CEP44: variants seen among roughly 807,000 people sequenced by gnomAD.
The protein encoded by CEP44 is centrosomal protein 44.
Under a neutral mutation model 46.7 loss-of-function variants are expected in CEP44, and 45 were observed. That is an observed-to-expected ratio of 0.96 (90% CI 0.76 to 1.24). The LOEUF (loss-of-function observed/expected upper bound fraction) is 1.24. Ranked by LOEUF, CEP44 falls within the 50% of genes most tolerant of loss-of-function variation. CEP44 has a pLI of 0.00. For synonymous variants in CEP44, 142 were observed against 146.0 expected, an observed-to-expected ratio of 0.97 and a Z score of 0.20; for missense variants, 475 against 459.7, an observed-to-expected ratio of 1.03 and a Z score of -0.30.
chr4:174,325,515 C>T lies in CEP44; in HGVS notation c.1087-5967C>T, dbSNP rs1325138268. On this transcript the variant is annotated intron_variant, in intron 8 of 8. Coordinates refer to the CEP44 transcript ENST00000426172. The surrounding 1 kb of genome is among the most constrained non-coding windows in gnomAD (Gnocchi z 4.4). ...CAAAAATTTTTTTAAATTAGCCAAG[C>T]ATAGTGGTATGCACCTGTAGTCCTA... is the stretch of plus-strand genomic sequence containing the variant. 6.6e-6 allele frequency among the ~76,000 whole-genome samples: 1 copy of T among 151,800 alleles called. No homozygotes were observed. Among genetic ancestry groups the T allele is most frequent in the Non-Finnish European group, 1.5e-5 (1 of 67,972 alleles).
intron 1 of CEP44, among the ~76,000 whole-genome samples, chr4:174,291,397 C>G (rs926015813): frequency 7.2e-5 from 11 of 152,084 alleles, no homozygotes; most frequent in Non-Finnish European, 1.6e-4. Flanking sequence ...TATTCAGAAT[C>G]TCTACACTTC....
Position 174,320,228 on chromosome 4 carries a change from T to C in CEP44, c.*2845T>C, listed in dbSNP as rs1030484245. 27 of 985,066 alleles carry C rather than the reference T, an allele frequency of 2.7e-5. No homozygotes were observed. The highest frequency in any genetic ancestry group is 3.1e-5 in the Non-Finnish European group (26 of 829,778). The allele number at this position is 985,066 out of a possible 1,614,324, so 61.0% of individuals were successfully genotyped here. A position where few individuals can be genotyped will look rare whatever the true frequency, so the allele number is the denominator to read the frequency against. On this transcript the variant is annotated 3_prime_UTR_variant, in exon 12 of 12. Coordinates refer to ENST00000503780, the MANE Select transcript of CEP44 (RefSeq NM_001040157.3). ...AAATTCTAGGTAAAGCTAAGTACTATTGAGTTGGAAAAAAGTAATTCTATC... is the reference window on the plus strand; with the variant it reads ...AAATTCTAGGTAAAGCTAAGTACTACTGAGTTGGAAAAAAGTAATTCTATC...
At chr4:174,300,775 T>G (rs1337752639) in intron 3 of CEP44, among the ~76,000 whole-genome samples, 1 of 152,048 alleles carries the variant, frequency 6.6e-6, no homozygotes, top group African/African-American at 2.4e-5. Context: ...TTTCTGGCCA[T>G]TTGCTGTTTT....
Position 174,325,809 on chromosome 4 carries a change from G to A in CEP44, c.1087-5673G>A, listed in dbSNP as rs1426319412. Among the ~76,000 whole-genome samples the A allele has an allele frequency of 2.6e-5, 4 of 152,208 alleles. No homozygotes were observed. In the East Asian group the frequency reaches 5.8e-4, roughly 22 times the overall value. On this transcript the variant is annotated intron_variant, in intron 8 of 8. Coordinates refer to the CEP44 transcript ENST00000426172. The surrounding 1 kb of genome is among the most constrained non-coding windows in gnomAD (Gnocchi z 4.4). ...GACTGCTATTTCTTCATGATAAAGA[G>A]ACTTATTTCTTATTATGAGTTGGCC...
chr4:174,299,326 C>A, intron 3 of CEP44, 116 bp downstream of exon 3: 8 of 688,968 alleles, frequency 1.2e-5, no homozygotes, highest in South Asian at 4.9e-5. Context: ...TTTAAATCTG[C>A]CTTGAAATGA....
intron 8 of CEP44, among the ~76,000 whole-genome samples, chr4:174,327,755 G>A (rs74747734): frequency 0.018 from 2,686 of 152,134 alleles, 73 homozygotes; most frequent in African/African-American, 0.061. Flanking sequence ...CGGGGTGTGT[G>A]TGTGGTGAAT....
At chr4:174,305,417 G>A (rs1374349022) in intron 6 of CEP44, among the ~76,000 whole-genome samples, 1 of 152,178 alleles carries the variant, frequency 6.6e-6, no homozygotes, top group Non-Finnish European at 1.5e-5. Context: ...TTGTACTACT[G>A]CAGTCCAGGC....
chr4:174,322,623 T>C (rs1348043255), downstream of CEP44, among the ~76,000 whole-genome samples: 1 of 152,184 alleles, frequency 6.6e-6, no homozygotes, highest in Non-Finnish European at 1.5e-5. Flanking sequence ...GAATTTTGTT[T>C]ACTGATGTAT....
intron 1 of CEP44, among the ~76,000 whole-genome samples, chr4:174,296,308 T>C (rs1579087590): frequency 6.6e-6 from 1 of 152,242 alleles, no homozygotes; most frequent in Non-Finnish European, 1.5e-5. Context: ...CATTGTGTTC[T>C]TTCAATCTAG....
chr4:174,284,016 C>T (rs912708900), intron 1 of CEP44, 73 bp downstream of exon 1: 2 of 399,642 alleles, frequency 5.0e-6, no homozygotes, highest in Non-Finnish European at 8.8e-6. Flanking sequence ...GGCGCAGGCG[C>T]CTGGCTGTAG....
In CEP44 at chr4:174,312,457, ATTT is replaced by A. The variant is rs368573177; in HGVS notation, c.961+1603_961+1605del. Among the ~76,000 whole-genome samples, 1,455 of 151,846 alleles carry A rather than the reference ATTT, an allele frequency of 9.6e-3. 21 individuals are homozygous for A. Among genetic ancestry groups the A allele is most frequent in the African/African-American group, 0.034 (1,389 of 41,382 alleles). On this transcript the variant is annotated intron_variant, in intron 9 of 11. Coordinates refer to ENST00000503780, the MANE Select transcript of CEP44 (RefSeq NM_001040157.3). The surrounding 1 kb of genome is among the most constrained non-coding windows in gnomAD (Gnocchi z 4.5). ...AGGTACGTGCCACCACACCTGGATA[ATTT>A]TTTATTTATTTACATACTGTTTTTA...
chr4:174,317,434 A>T lies in CEP44; in HGVS notation c.*51A>T. On this transcript the variant is annotated 3_prime_UTR_variant, in exon 12 of 12. Coordinates refer to ENST00000503780, the MANE Select transcript of CEP44 (RefSeq NM_001040157.3). ...GGACTTTGGTTACTATACATATTGT[A>T]TATTTTAAGAATTCTTTATACAATT... 7.5e-7 allele frequency: 1 copy of T among 1,329,106 alleles called. No homozygotes were observed. The highest frequency in any genetic ancestry group is 9.9e-7 in the Non-Finnish European group (1 of 1,012,798). 82.3% of individuals were successfully genotyped at this position (1,329,106 alleles called of 1,614,324 possible).
chr4:174,320,676 A>AGTGTGCTCTGTGT (rs1233931806), downstream of CEP44, among the ~76,000 whole-genome samples: 6 of 90,718 alleles, frequency 6.6e-5, no homozygotes, highest in East Asian at 4.2e-3. Flanking sequence ...TAGCATACTG[A>AGTGTGCTCTGTGT]GTGTGCTCTG....
At chr4:174,315,673 C>T (rs1352179914) in intron 9 of CEP44, among the ~76,000 whole-genome samples, 1 of 151,912 alleles carries the variant, frequency 6.6e-6, no homozygotes, top group East Asian at 1.9e-4. Flanking sequence ...AACCCTGTCT[C>T]TACTAAAAAT....
chr4:174,309,075 G>T lies in CEP44; in HGVS notation c.678+216G>T, dbSNP rs1053129984. Reference sequence around the variant, plus strand: ...GTAGGGTGCTGGGCTAAGTGTTGGGGTGATGCAAAGTAGAATAAGATATGG... The same window carrying T: ...GTAGGGTGCTGGGCTAAGTGTTGGGTTGATGCAAAGTAGAATAAGATATGG... On this transcript the variant is annotated intron_variant, in intron 7 of 11. Coordinates refer to ENST00000503780, the MANE Select transcript of CEP44 (RefSeq NM_001040157.3). The surrounding 1 kb of genome is among the most constrained non-coding windows in gnomAD (Gnocchi z 5.3). Among the ~76,000 whole-genome samples the T allele has an allele frequency of 1.3e-5, 2 of 152,076 alleles. No homozygotes were observed. Among genetic ancestry groups the T allele is most frequent in the African/African-American group, 4.8e-5 (2 of 41,434 alleles).
At chr4:174,317,253 A>T (rs1373187712) in intron 11 of CEP44, 82 bp from the exon 12 acceptor site, 1 of 558,522 alleles carries the variant, frequency 1.8e-6, no homozygotes, top group African/African-American at 2.0e-5. Flanking sequence ...TTTTAGGCTA[A>T]AAAGCATAAT....
chr4:174,300,382 C>T (rs1739575969), intron 3 of CEP44, among the ~76,000 whole-genome samples: 1 of 152,050 alleles, frequency 6.6e-6, no homozygotes, highest in Non-Finnish European at 1.5e-5. Context: ...TTCCTCAAAA[C>T]ATGAAAATCC....
rs777364140 is a variant in CEP44 at position 174,310,151 on chromosome 4, G to A, written c.885+95G>A. On this transcript the variant is annotated intron_variant, in intron 8 of 11. Coordinates refer to ENST00000503780, the MANE Select transcript of CEP44 (RefSeq NM_001040157.3). The surrounding 1 kb of genome is among the most constrained non-coding windows in gnomAD (Gnocchi z 4.2). ...GTATTTTTTTGGAAATGCTAAATATGAGAATATTTGAATAATGAGAAAATG... is the reference window on the plus strand; with the variant it reads ...GTATTTTTTTGGAAATGCTAAATATAAGAATATTTGAATAATGAGAAAATG... 2.7e-5 allele frequency: 29 copies of A among 1,060,694 alleles called. No individual in the cohort carries two copies. Among genetic ancestry groups the A allele is most frequent in the Non-Finnish European group, 3.4e-5 (25 of 745,216 alleles). The allele number at this position is 1,060,694 out of a possible 1,614,324, so 65.7% of individuals were successfully genotyped here.
intron 6 of CEP44, among the ~76,000 whole-genome samples, chr4:174,307,858 ACT>A (rs1440340113): frequency 1.3e-5 from 2 of 152,146 alleles, no homozygotes; most frequent in Non-Finnish European, 2.9e-5. Context: ...CATGAAAAAA[ACT>A]CAACATCACT....
Sources: gnomAD v4.1 joint callset for allele counts (sites outside exome capture counted in the v4.1 genomes callset) on GRCh38, gnomAD v4.1.1 for gene constraint, Gnocchi (gnomAD v3.1) non-coding constraint, MANE v1.5 for transcripts, NCBI Gene and HGNC (gene_info 2026-07-23, HGNC 2026-07-21) for gene names.